The following RPL24 variants were observed in gnomAD, a reference collection of about 807,000 sequenced individuals.
RPL24 encodes the protein large ribosomal subunit protein eL24.
RPL24 carries 7 observed loss-of-function variants against 26.4 expected under a neutral mutation model. The ratio of observed to expected loss-of-function variants is 0.27; its 90% CI spans 0.15 to 0.50. RPL24 has a LOEUF of 0.50. RPL24 is among the 20% of genes least tolerant of loss of function. The pLI, the probability that RPL24 is intolerant of heterozygous loss-of-function variation, is 0.98. For synonymous variants in RPL24, 67 were observed against 65.2 expected (o/e 1.03, Z -0.13); for missense variants, 109 against 194.9 (o/e 0.56, Z 2.62).
intron 5 of RPL24, chr3:101,682,206 C>A: frequency 2.0e-6 from 1 of 495,632 alleles, no homozygotes; most frequent in South Asian, 2.3e-5. Context: ...AACAAACAAA[C>A]AAACAAAAAA....
intron 2 of RPL24, 62 bp from the exon 3 acceptor site, chr3:101,685,990 GC>G (rs1465089360): frequency 9.1e-7 from 1 of 1,104,574 alleles, no homozygotes; most frequent in Non-Finnish European, 1.4e-6. Flanking sequence ...GGCTGAGTAA[GC>G]TTGGAATCCT....
chr3:101,682,501 TA>T lies in RPL24; in HGVS notation c.330-10del. On this transcript the variant is annotated splice_polypyrimidine_tract_variant and intron_variant, in intron 4 of 5. Transcript: ENST00000394077. ...TTGCTTCCTTAGCAGCCCTGTGGGG[TA>T]AAAGTAACTTAAGGCAAAAGCACTT... 6.2e-7 allele frequency: 1 copy of T among 1,610,666 alleles called. No individual in the cohort carries two copies. The highest frequency in any genetic ancestry group is 1.7e-4 in the Middle Eastern group (1 of 6,034).
intron 2 of RPL24, 118 bp from the exon 3 acceptor site, chr3:101,686,046 G>C (rs183241172): frequency 2.9e-6 from 2 of 690,452 alleles, no homozygotes; most frequent in Non-Finnish European, 5.1e-6. Flanking sequence ...TTACAAAACT[G>C]AGGCCCACAA....
intron 3 of RPL24, among the ~76,000 whole-genome samples, chr3:101,683,707 CTTTTTTTTTTT>C (rs541871888): frequency 7.6e-6 from 1 of 130,872 alleles, no homozygotes; most frequent in African/African-American, 2.8e-5. Flanking sequence ...TTTTTCTTTT[CTTTTTTTTTTT>C]TTTTTTTAAA....
intron 5 of RPL24, chr3:101,682,109 T>G: frequency 4.0e-6 from 1 of 249,034 alleles, no homozygotes; most frequent in South Asian, 6.3e-5. Flanking sequence ...CCCAGCACTT[T>G]GGGAGGCTGA....
chr3:101,684,937 G>A (rs552445250), intron 3 of RPL24, among the ~76,000 whole-genome samples: 6 of 150,554 alleles, frequency 4.0e-5, no homozygotes, highest in East Asian at 3.9e-4. Flanking sequence ...CTTGGCCTCC[G>A]GAGGAGCTAG....
In RPL24 at chr3:101,681,210, A is replaced by T. The variant is rs1310071394; in HGVS notation, c.399T>A (p.Pro133=). The change falls in exon 6 of 6, where the codon CCT becomes CCA. Residue 133 remains proline, a synonymous_variant. Transcript: ENST00000394077. The part of the protein sequence containing the change: ...KKTAMAAAKA[P]TKAAPKQKIV... ...TCTTTTGCTTAGGTGCTGCCTTTGT[A>T]GGTGCCTGTAAAAAGATAACACAAT... 1 of 1,612,108 alleles carries T rather than the reference A, an allele frequency of 6.2e-7. No individual in the cohort carries two copies. The highest frequency in any genetic ancestry group is 1.3e-5 in the African/African-American group (1 of 74,884).
At position 101,685,872 on chromosome 3, in the gene RPL24, A is replaced by C; in HGVS notation, c.138T>G (p.Pro46=). The C allele has an allele frequency of 1.2e-6, 2 of 1,614,078 alleles. No homozygotes were observed. The highest frequency in any genetic ancestry group is 1.7e-6 in the Non-Finnish European group (2 of 1,179,910). The change falls in exon 3 of 6, where the codon CCT becomes CCG. Residue 46 remains proline (P), a synonymous_variant. Coordinates refer to ENST00000394077, the MANE Select transcript of RPL24 (RefSeq NM_000986.4). The part of the protein sequence containing the change: ...CESAFLSKRN[P]RQINWTVLYR... Reference sequence around the variant, plus strand: ...AGAGGACAGTCCAGTTTATCTGCCGAGGATTCCTCTTGGAAAGGAAAGCCG... The same window carrying C: ...AGAGGACAGTCCAGTTTATCTGCCGCGGATTCCTCTTGGAAAGGAAAGCCG...
chr3:101,683,707 CTTTTTTTTTTTTTT>C (rs541871888), intron 3 of RPL24, among the ~76,000 whole-genome samples: 1 of 130,872 alleles, frequency 7.6e-6, no homozygotes, highest in Non-Finnish European at 1.6e-5. Flanking sequence ...TTTTTCTTTT[CTTTTTTTTTTTTTT>C]TTTTAAAGAC....
At chr3:101,683,217 A>C (rs1374998179) in intron 3 of RPL24, among the ~76,000 whole-genome samples, 1 of 152,092 alleles carries the variant, frequency 6.6e-6, no homozygotes, top group Non-Finnish European at 1.5e-5. Flanking sequence ...TACTTATTGA[A>C]AAAAATTATC....
At chr3:101,686,252 A>T in intron 2 of RPL24, 1 of 587,762 alleles carries the variant, frequency 1.7e-6, no homozygotes, top group Non-Finnish European at 3.0e-6. Flanking sequence ...TTTCCCTTAC[A>T]CCGGGACATC....
Position 101,684,167 on chromosome 3 carries a change from C to CT in RPL24, c.193-1261dup, listed in dbSNP as rs930501770. ...AGGCACTGCACTAGGCCCATTTTAA[C>CT]TTTTTTTTTTTTTTTTAAATGGAGC... On this transcript the variant is annotated intron_variant, in intron 3 of 5. Coordinates refer to ENST00000394077, the MANE Select transcript of RPL24 (RefSeq NM_000986.4). 9.0e-3 allele frequency among the ~76,000 whole-genome samples: 1,241 copies of CT among 138,106 alleles called. 20 individuals carry two copies. Among genetic ancestry groups the CT allele is most frequent in the African/African-American group, 0.025 (937 of 37,604 alleles). 90.6% of individuals were successfully genotyped at this position (138,106 alleles called of 152,430 possible).
At position 101,682,462 on chromosome 3, in the gene RPL24, T is replaced by C. The variant is rs1378565824; in HGVS notation, c.360A>G (p.Gln120=). 1.9e-6 allele frequency: 3 copies of C among 1,614,130 alleles called. No homozygotes were observed. The highest frequency in any genetic ancestry group is 1.3e-5 in the African/African-American group (1 of 75,068). The change falls in exon 5 of 6, where the codon CAA becomes CAG. Residue 120 remains glutamine, a synonymous_variant. Transcript: ENST00000394077. ...CAGCCATTGCAGTCTTTTTAGATGCTTGCTTAGCCTTTTTTGCTTCCTTAG... is the reference window on the plus strand; with the variant it reads ...CAGCCATTGCAGTCTTTTTAGATGCCTGCTTAGCCTTTTTTGCTTCCTTAG... The part of the protein sequence containing the change: ...RAAKEAKKAK[Q]ASKKTAMAAA...
At chr3:101,686,347 ACCAGT>A (rs1357609524) in intron 2 of RPL24, 130 bp downstream of exon 2, 4 of 685,770 alleles carry the variant, frequency 5.8e-6, no homozygotes, top group African/African-American at 5.4e-5. Flanking sequence ...GGTCCTAACG[ACCAGT>A]CCACAGAGCG....
intron 3 of RPL24, 83 bp from the exon 4 acceptor site, chr3:101,682,990 G>A (rs1019090700): frequency 1.3e-5 from 15 of 1,190,278 alleles, no homozygotes; most frequent in South Asian, 4.8e-5. Context: ...TTTAAGACAG[G>A]GCAAATGAAG....
At chr3:101,685,986 G>C (rs561713090) in intron 2 of RPL24, 58 bp from the exon 3 acceptor site, 2 of 1,149,088 alleles carry the variant, frequency 1.7e-6, no homozygotes, top group East Asian at 4.7e-5. Flanking sequence ...AAGAGGCTGA[G>C]TAAGCTTGGA....
Position 101,681,106 on chromosome 3 carries a change from A to T in RPL24, c.*29T>A, listed in dbSNP as rs1937257085. The T allele has an allele frequency of 6.6e-7, 1 of 1,516,822 alleles. No homozygotes were observed. The highest frequency in any genetic ancestry group is 9.1e-7 in the Non-Finnish European group (1 of 1,093,328). 94.0% of individuals were successfully genotyped at this position (1,516,822 alleles called of 1,614,324 possible). Reference sequence around the variant, plus strand: ...CAGCACAACCTAGAGTTATAATCCAATCTTTATTTAAAAATCTAATCTGCC... The same window carrying T: ...CAGCACAACCTAGAGTTATAATCCATTCTTTATTTAAAAATCTAATCTGCC... On this transcript the variant is annotated 3_prime_UTR_variant, in exon 6 of 6. Transcript: ENST00000394077.
chr3:101,684,861 T>C (rs1937315421), intron 3 of RPL24, among the ~76,000 whole-genome samples: 1 of 139,140 alleles, frequency 7.2e-6, no homozygotes, highest in African/African-American at 2.6e-5. Flanking sequence ...GCTATCACCA[T>C]TATCCATCTA....
intron 5 of RPL24, 45 bp downstream of exon 5, chr3:101,682,384 T>G: frequency 6.6e-7 from 1 of 1,521,276 alleles, no homozygotes; most frequent in Non-Finnish European, 9.1e-7. Context: ...AAAAGAAAAT[T>G]TTCCTGTTGT....
Sources: allele counts gnomAD v4.1 joint callset (sites outside exome capture counted in the v4.1 genomes callset), GRCh38; gene constraint gnomAD v4.1.1; transcripts MANE v1.5; gene names NCBI Gene and HGNC (gene_info 2026-07-23, HGNC 2026-07-21).